CYP4F22: variants seen among roughly 807,000 people sequenced by gnomAD.
CYP4F22 encodes the protein ultra-long-chain fatty acid omega-hydroxylase.
CYP4F22 carries 37 observed loss-of-function variants against 60.4 expected under a neutral mutation model. The observed-to-expected ratio is 0.61, with a 90% confidence interval of 0.47 to 0.81. The LOEUF is 0.81. CYP4F22 is among the 30% of genes least tolerant of loss of function. CYP4F22 has a pLI of 0.00. For synonymous variants in CYP4F22, 258 were observed against 280.5 expected, an observed-to-expected ratio of 0.92 and a Z score of 0.80; for missense variants, 655 against 715.0, an observed-to-expected ratio of 0.92 and a Z score of 0.96.
intron 1 of CYP4F22, among the ~76,000 whole-genome samples, chr19:15,519,087 A>T (rs1397009260): frequency 6.6e-6 from 1 of 152,084 alleles, no homozygotes; most frequent in East Asian, 1.9e-4. Flanking sequence ...TGGACCTGGC[A>T]GTGCTGGACA....
chr19:15,528,507 G>C (rs1193401060), intron 3 of CYP4F22, among the ~76,000 whole-genome samples: 1 of 152,152 alleles, frequency 6.6e-6, no homozygotes, highest in Non-Finnish European at 1.5e-5. Flanking sequence ...AAGCTCCCCA[G>C]TGGGACCGAG....
At chr19:15,527,828 G>A (rs1056557228) in intron 3 of CYP4F22, among the ~76,000 whole-genome samples, 5 of 152,236 alleles carry the variant, frequency 3.3e-5, no homozygotes, top group African/African-American at 1.2e-4. Context: ...AGCCTGTGAA[G>A]TGGGGATGGA....
At chr19:15,545,692 G>GAAAAGAA (rs3036561) in intron 10 of CYP4F22, among the ~76,000 whole-genome samples, 949 of 37,846 alleles carry the variant, frequency 0.025, 37 homozygotes, top group African/African-American at 0.1. Flanking sequence ...GAAAAGAAAA[G>GAAAAGAA]AAGAAAAACA....
rs752369387 is a variant in CYP4F22, at chr19:15,529,662, A to G, written c.223-47A>G. The G allele has an allele frequency of 1.5e-5, 24 of 1,611,166 alleles. No homozygotes were observed. The Middle Eastern group carries it at 1.0e-3, about 67-fold the overall frequency. On this transcript the variant is annotated intron_variant, in intron 3 of 13. Transcript: ENST00000269703. ...GTGGCAGGAGGAAGGCAGTGGGGGA[A>G]GCTGGGGCTGGGTACCTCCTCATTG...
intron 8 of CYP4F22, among the ~76,000 whole-genome samples, chr19:15,542,223 A>T (rs570405484): frequency 1.3e-5 from 2 of 152,040 alleles, no homozygotes; most frequent in East Asian, 3.9e-4. Context: ...CTTGTTTTTT[A>T]AAAATGTAAT....
intron 1 of CYP4F22, among the ~76,000 whole-genome samples, chr19:15,516,389 A>G (rs1334444062): frequency 6.6e-6 from 1 of 152,192 alleles, no homozygotes; most frequent in Non-Finnish European, 1.5e-5. Context: ...TTAAATTATT[A>G]GCCAGTCAGG....
intron 10 of CYP4F22, among the ~76,000 whole-genome samples, chr19:15,545,308 T>C (rs1266451050): frequency 6.6e-6 from 1 of 152,082 alleles, no homozygotes; most frequent in Non-Finnish European, 1.5e-5. Flanking sequence ...ACCCAGTCTC[T>C]ACCAGATTCA....
intron 8 of CYP4F22, 96 bp downstream of exon 8, chr19:15,540,813 G>A: frequency 6.7e-7 from 1 of 1,498,832 alleles, no homozygotes; most frequent in Non-Finnish European, 9.2e-7. Flanking sequence ...CATTAGGCGT[G>A]GTGGCTCACA....
chr19:15,531,664 G>T lies in CYP4F22; in HGVS notation c.367+1811G>T, dbSNP rs866682237. On this transcript the variant is annotated intron_variant, in intron 4 of 13. Transcript: ENST00000269703. ...AGGGATGAATACCAACTTGTGGGAA[G>T]AGCCCTGGGCCAGGACTGAGGTGGG... 7.9e-5 allele frequency among the ~76,000 whole-genome samples: 12 copies of T among 152,196 alleles called. No homozygotes were observed. In the South Asian group the frequency reaches 8.3e-4, roughly 11 times the overall value.
chr19:15,550,394 T>A (rs926371523), intron 12 of CYP4F22, among the ~76,000 whole-genome samples: 2 of 151,964 alleles, frequency 1.3e-5, no homozygotes, highest in Non-Finnish European at 2.9e-5. Context: ...CGAGGAGATG[T>A]TTGAGCTGAG....
chr19:15,518,484 C>CAA (rs56987005), intron 1 of CYP4F22, among the ~76,000 whole-genome samples: 8,061 of 134,032 alleles, frequency 0.06, 300 homozygotes, highest in Middle Eastern at 0.11. Flanking sequence ...ACCAAAAATA[C>CAA]AAAAAAAAAA....
intron 1 of CYP4F22, among the ~76,000 whole-genome samples, chr19:15,520,762 T>G (rs1363534642): frequency 5.5e-5 from 8 of 146,526 alleles, no homozygotes; most frequent in Non-Finnish European, 1.0e-4. Context: ...TAATATTTTG[T>G]TTTGTTTTTT....
intron 4 of CYP4F22, among the ~76,000 whole-genome samples, chr19:15,535,271 C>A (rs1971383414): frequency 6.6e-6 from 1 of 152,236 alleles, no homozygotes. Context: ...CTGCCCCACT[C>A]AGGAGCTCCT....
At chr19:15,547,326 C>A (rs1014034770) in intron 10 of CYP4F22, among the ~76,000 whole-genome samples, 1 of 152,020 alleles carries the variant, frequency 6.6e-6, no homozygotes, top group Non-Finnish European at 1.5e-5. Context: ...ACCTGTCCTG[C>A]AGCAGTTTTT....
intron 1 of CYP4F22, among the ~76,000 whole-genome samples, chr19:15,515,185 C>T (rs1264727170): frequency 6.6e-6 from 1 of 152,206 alleles, no homozygotes; most frequent in Non-Finnish European, 1.5e-5. Context: ...CCGGCCACAG[C>T]CACCTCCCCT....
chr19:15,515,881 G>A (rs1328385756), intron 1 of CYP4F22, among the ~76,000 whole-genome samples: 3 of 151,778 alleles, frequency 2.0e-5, no homozygotes, highest in Non-Finnish European at 2.9e-5. Flanking sequence ...CCGCCACCAC[G>A]TCCGGCTAAT....
chr19:15,541,203 C>A (rs1191357660), intron 8 of CYP4F22, among the ~76,000 whole-genome samples: 5 of 152,226 alleles, frequency 3.3e-5, no homozygotes, highest in African/African-American at 1.2e-4. Flanking sequence ...CAAAGTACCA[C>A]AAACTAAATG....
intron 4 of CYP4F22, among the ~76,000 whole-genome samples, chr19:15,530,449 C>T (rs1423619678): frequency 2.0e-5 from 3 of 152,142 alleles, no homozygotes; most frequent in African/African-American, 7.2e-5. Flanking sequence ...ACCCTTTGGA[C>T]CTGGGTATGT....
chr19:15,537,431 T>C lies in CYP4F22; in HGVS notation c.421+17T>C. 6.2e-7 allele frequency: 1 copy of C among 1,614,142 alleles called. No homozygotes were observed. Among genetic ancestry groups the C allele is most frequent in the Admixed American group, 1.7e-5 (1 of 60,010 alleles). On this transcript the variant is annotated intron_variant, in intron 5 of 13. Transcript: ENST00000269703. ...CTTGGCTAGGTGAGTGCCCAGTGGG[T>C]AGGCTGGGGCTGGGGCTTTAGAGAA...
Sources: gnomAD v4.1 joint callset for allele counts (sites outside exome capture counted in the v4.1 genomes callset) on GRCh38, gnomAD v4.1.1 for gene constraint, MANE v1.5 for transcripts, NCBI Gene and HGNC (gene_info 2026-07-23, HGNC 2026-07-21) for gene names.